RABGAP1L: variants seen among roughly 807,000 people sequenced by gnomAD.
RABGAP1L encodes the protein rab GTPase-activating protein 1-like.
RABGAP1L carries 63 observed loss-of-function variants against 137.7 expected under a neutral mutation model. The ratio of observed to expected loss-of-function variants is 0.46; its 90% confidence interval spans 0.37 to 0.56. RABGAP1L has a LOEUF of 0.56. Among genes scored for constraint, RABGAP1L ranks in the 20% least tolerant of loss-of-function variants. The pLI, the probability that RABGAP1L is intolerant of heterozygous loss-of-function variation, is 0.00. For synonymous variants in RABGAP1L, 431 were observed against 433.7 expected (o/e 0.99, Z 0.08); for missense variants, 1,095 against 1,244.0 (o/e 0.88, Z 1.80).
chr1:174,969,219 T>A, intron 20 of RABGAP1L, 58 bp from the exon 21 acceptor site: 1 of 1,298,822 alleles, frequency 7.7e-7, no homozygotes, highest in Non-Finnish European at 1.1e-6. Flanking sequence ...TCACCAGTTC[T>A]GTTCGTTTCT....
chr1:174,234,765 C>T (rs1298410450), intron 4 of RABGAP1L, among the ~76,000 whole-genome samples: 2 of 149,532 alleles, frequency 1.3e-5, no homozygotes, highest in Non-Finnish European at 3.0e-5. Context: ...TTTTTGGTTC[C>T]ATATGAACTT....
At chr1:174,719,902 A>C (rs998285235) in intron 17 of RABGAP1L, among the ~76,000 whole-genome samples, 1 of 152,202 alleles carries the variant, frequency 6.6e-6, no homozygotes, top group African/African-American at 2.4e-5. Context: ...CCATATTGCA[A>C]GACTTGTATT....
chr1:174,733,893 A>G (rs555124627), intron 17 of RABGAP1L, among the ~76,000 whole-genome samples: 31 of 152,328 alleles, frequency 2.0e-4, no homozygotes, highest in Admixed American at 1.8e-3. Flanking sequence ...AATCCAGATC[A>G]GGAGGTGATG....
At chr1:174,687,533 C>T (rs1678571110) in intron 15 of RABGAP1L, among the ~76,000 whole-genome samples, 1 of 152,126 alleles carries the variant, frequency 6.6e-6, no homozygotes, top group Non-Finnish European at 1.5e-5. Context: ...TCCATTCAAC[C>T]AATTTGAATA....
intron 13 of RABGAP1L, among the ~76,000 whole-genome samples, chr1:174,549,306 T>C (rs1666255316): frequency 6.6e-6 from 1 of 152,206 alleles, no homozygotes; most frequent in Non-Finnish European, 1.5e-5. Context: ...TTGTTTTGAC[T>C]ATTTCAATTT....
intron 13 of RABGAP1L, among the ~76,000 whole-genome samples, chr1:174,509,774 G>T (rs1419974543): frequency 2.0e-5 from 3 of 152,108 alleles, no homozygotes; most frequent in Non-Finnish European, 2.9e-5. Context: ...TCATTCTCTA[G>T]TCCATCTAAT....
At chr1:174,878,517 G>A (rs1278000207) in intron 19 of RABGAP1L, among the ~76,000 whole-genome samples, 1 of 152,092 alleles carries the variant, frequency 6.6e-6, no homozygotes, top group East Asian at 1.9e-4. Flanking sequence ...AAGCCACCAC[G>A]CCCGGCCCCC....
chr1:174,750,104 C>T (rs558456080), intron 17 of RABGAP1L, among the ~76,000 whole-genome samples: 39 of 152,184 alleles, frequency 2.6e-4, no homozygotes, highest in South Asian at 2.3e-3. Flanking sequence ...CTCCTGACCT[C>T]GTGATCCGCC....
intron 11 of RABGAP1L, among the ~76,000 whole-genome samples, chr1:174,341,082 A>T (rs956675062): frequency 2.6e-5 from 4 of 151,754 alleles, no homozygotes; most frequent in African/African-American, 7.3e-5. Flanking sequence ...GTGTCTGTTC[A>T]TGTCCCTTGC....
intron 9 of RABGAP1L, among the ~76,000 whole-genome samples, chr1:174,278,076 A>G (rs543739621): frequency 5.9e-5 from 9 of 152,316 alleles, no homozygotes; most frequent in Admixed American, 3.3e-4. Flanking sequence ...GGAAATTACA[A>G]AATGGTATGG....
At chr1:174,383,534 G>A (rs1275243319) in intron 12 of RABGAP1L, among the ~76,000 whole-genome samples, 1 of 152,212 alleles carries the variant, frequency 6.6e-6, no homozygotes, top group South Asian at 2.1e-4. Context: ...CAATATTCGG[G>A]TGGGAGTGAC....
intron 13 of RABGAP1L, among the ~76,000 whole-genome samples, chr1:174,438,744 G>GTGTGTATATATATA (rs1161311071): frequency 6.3e-5 from 6 of 95,454 alleles, no homozygotes; most frequent in Non-Finnish European, 9.5e-5. Context: ...GTGTGTGTGT[G>GTGTGTATATATATA]TATATATATA....
chr1:174,321,009 T>C (rs1034451139), intron 11 of RABGAP1L, among the ~76,000 whole-genome samples: 3 of 152,076 alleles, frequency 2.0e-5, no homozygotes, highest in Non-Finnish European at 2.9e-5. Flanking sequence ...TGCTGAACTC[T>C]TTTTCTCAGC....
chr1:174,817,399 A>C (rs1690551605), intron 19 of RABGAP1L, among the ~76,000 whole-genome samples: 1 of 152,210 alleles, frequency 6.6e-6, no homozygotes, highest in Non-Finnish European at 1.5e-5. Flanking sequence ...TAAGGAGTGT[A>C]TCAAGGCAGG....
intron 19 of RABGAP1L, among the ~76,000 whole-genome samples, chr1:174,939,644 G>A (rs1209773439): frequency 3.9e-5 from 6 of 152,038 alleles, no homozygotes; most frequent in Non-Finnish European, 8.8e-5. Flanking sequence ...TTATTCTTAT[G>A]CATTATTTTA....
chr1:174,930,813 A>G (rs1211167806), intron 19 of RABGAP1L, among the ~76,000 whole-genome samples: 1 of 152,202 alleles, frequency 6.6e-6, no homozygotes, highest in African/African-American at 2.4e-5. Context: ...ATTTAAGTAT[A>G]TATCTTAACA....
rs1157537012 is a variant in RABGAP1L, at chr1:174,559,621, T to G, written c.1711-77754T>G. ...GAGATTGAAAATAAGACTAGAGAAT[T>G]GAGTGGAAGAAATAATTTCATTTGA... On this transcript the variant is annotated intron_variant, in intron 13 of 25. Transcript: ENST00000681986. Among the ~76,000 whole-genome samples the G allele has an allele frequency of 2.0e-5, 3 of 152,290 alleles. No individual in the cohort carries two copies. The South Asian group carries it at 6.2e-4, about 32-fold the overall frequency.
At chr1:174,880,526 CT>C (rs1017719339) in intron 19 of RABGAP1L, among the ~76,000 whole-genome samples, 7 of 151,072 alleles carry the variant, frequency 4.6e-5, no homozygotes, top group Non-Finnish European at 7.4e-5. Flanking sequence ...ACAGAATTCT[CT>C]TTTTTTTTCT....
intron 19 of RABGAP1L, among the ~76,000 whole-genome samples, chr1:174,839,532 G>A (rs907228656): frequency 2.0e-5 from 3 of 152,198 alleles, no homozygotes; most frequent in South Asian, 2.1e-4. Context: ...AAAAAGTAAC[G>A]TATATAATCC....
Sources: gnomAD v4.1 joint callset for allele counts (sites outside exome capture counted in the v4.1 genomes callset) on GRCh38, gnomAD v4.1.1 for gene constraint, MANE v1.5 for transcripts, NCBI Gene and HGNC (gene_info 2026-07-23, HGNC 2026-07-21) for gene names.